Variants in WDR41 observed in about 807,000 individuals in gnomAD.
The protein encoded by WDR41 is WD repeat domain 41, also known as WD repeat-containing protein 41.
A neutral mutation model predicts 69.3 loss-of-function variants in WDR41; 63 were observed. That is an observed-to-expected ratio of 0.91 (90% confidence interval 0.74 to 1.12). The LOEUF is 1.12. Ranked by LOEUF, WDR41 falls within the 50% of genes most tolerant of loss-of-function variation. The pLI, the probability that WDR41 is intolerant of heterozygous loss-of-function variation, is 0.00. For synonymous variants in WDR41, 185 were observed against 192.1 expected, an observed-to-expected ratio of 0.96 and a Z score of 0.31; for missense variants, 543 against 534.5, an observed-to-expected ratio of 1.02 and a Z score of -0.16.
intron 2 of WDR41, among the ~76,000 whole-genome samples, chr5:77,467,140 A>G (rs1036955941): frequency 1.3e-5 from 2 of 151,970 alleles, no homozygotes; most frequent in African/African-American, 4.8e-5. Flanking sequence ...GTAATGAACT[A>G]TAAAATAAAA....
intron 6 of WDR41, among the ~76,000 whole-genome samples, chr5:77,453,166 CTGAAA>C (rs1799691186): frequency 6.6e-6 from 1 of 152,202 alleles, no homozygotes; most frequent in African/African-American, 2.4e-5. Context: ...CCTGCTACCA[CTGAAA>C]TATCAACAAC....
chr5:77,440,657 C>A (rs1177287861), intron 9 of WDR41, among the ~76,000 whole-genome samples, 156 bp downstream of exon 9: 1 of 152,148 alleles, frequency 6.6e-6, no homozygotes, highest in Non-Finnish European at 1.5e-5. Context: ...ATGCTTAACA[C>A]AAATCATCCA....
intron 10 of WDR41, 72 bp from the exon 11 acceptor site, chr5:77,437,496 GA>G: frequency 3.1e-6 from 4 of 1,286,706 alleles, no homozygotes; most frequent in Middle Eastern, 1.8e-4. Context: ...TGCAGTGAAA[GA>G]AATCAGTGGA....
intron 1 of WDR41, among the ~76,000 whole-genome samples, chr5:77,503,190 C>CAAA (rs144057313): frequency 0.054 from 3,999 of 74,296 alleles, 175 homozygotes; most frequent in Admixed American, 0.098. Flanking sequence ...AAATGGAAAG[C>CAAA]AAAAAAAAAA....
upstream of WDR41, among the ~76,000 whole-genome samples, chr5:77,497,183 A>G (rs557623054): frequency 2.0e-5 from 3 of 152,318 alleles, no homozygotes; most frequent in East Asian, 5.8e-4. Flanking sequence ...TCATCACATT[A>G]AATTTGGCAA....
At chr5:77,517,631 C>CATAT (rs34773798) in intron 1 of WDR41, among the ~76,000 whole-genome samples, 2,546 of 141,092 alleles carry the variant, frequency 0.018, 51 homozygotes, top group Middle Eastern at 0.042. Flanking sequence ...ATTTATTGAA[C>CATAT]ATATATATAT....
intron 1 of WDR41, among the ~76,000 whole-genome samples, chr5:77,612,670 A>G (rs915301394): frequency 1.3e-5 from 2 of 152,124 alleles, no homozygotes; most frequent in African/African-American, 4.8e-5. Context: ...ATCTATGACA[A>G]ACCCACAGCC....
At chr5:77,435,078 T>G (rs570524103) in intron 12 of WDR41, among the ~76,000 whole-genome samples, 10 of 152,248 alleles carry the variant, frequency 6.6e-5, no homozygotes, top group African/African-American at 2.4e-4. Context: ...AGGTGCTCCT[T>G]GCCACCACGT....
At chr5:77,513,023 G>T (rs1401440842) in intron 1 of WDR41, among the ~76,000 whole-genome samples, 1 of 152,046 alleles carries the variant, frequency 6.6e-6, no homozygotes, top group Non-Finnish European at 1.5e-5. Flanking sequence ...CTGAAATCTG[G>T]AACCTTAATT....
At chr5:77,495,110 A>G (rs747008510), upstream of WDR41, among the ~76,000 whole-genome samples, 23 of 152,112 alleles carry the variant, frequency 1.5e-4, no homozygotes, top group Non-Finnish European at 3.1e-4. Flanking sequence ...AACACGACAA[A>G]ACTTACGGGA....
At chr5:77,443,937 C>T (rs770692066) in intron 8 of WDR41, among the ~76,000 whole-genome samples, 14 of 134,956 alleles carry the variant, frequency 1.0e-4, no homozygotes, top group Non-Finnish European at 1.2e-4. Context: ...GGCTGGAGTA[C>T]AGTAACACAA....
intron 3 of WDR41, among the ~76,000 whole-genome samples, chr5:77,463,692 TAGAA>T (rs1248496834): frequency 6.6e-6 from 1 of 152,152 alleles, no homozygotes; most frequent in African/African-American, 2.4e-5. Flanking sequence ...ATTAACCACT[TAGAA>T]AGTCAGTCTC....
At chr5:77,609,461 TC>T (rs1744497619) in intron 1 of WDR41, among the ~76,000 whole-genome samples, 1 of 152,054 alleles carries the variant, frequency 6.6e-6, no homozygotes, top group South Asian at 2.1e-4. Context: ...AGACAAAACT[TC>T]CAGAGGAACG....
chr5:77,588,237 A>C (rs921752940), intron 1 of WDR41, among the ~76,000 whole-genome samples: 13 of 151,820 alleles, frequency 8.6e-5, no homozygotes, highest in African/African-American at 2.9e-4. Flanking sequence ...TTGCCTTTTT[A>C]CTCTTTTAAT....
intron 12 of WDR41, among the ~76,000 whole-genome samples, chr5:77,435,951 CCT>C: frequency 1.3e-5 from 2 of 152,296 alleles, no homozygotes; most frequent in South Asian, 4.1e-4. Flanking sequence ...CTTCATGCAT[CCT>C]CTGTTTACTG....
intron 6 of WDR41, 126 bp from the exon 7 acceptor site, chr5:77,451,479 C>A (rs1009237110): frequency 1.3e-6 from 1 of 749,530 alleles, no homozygotes; most frequent in African/African-American, 1.8e-5. Flanking sequence ...ACTAGCTCCA[C>A]ACACACTTCC....
rs185147928 is a variant in WDR41, at chr5:77,565,078, C to T, written c.42+55401G>A. Among the ~76,000 whole-genome samples, 523 of 152,064 alleles carry T rather than the reference C, an allele frequency of 3.4e-3. 3 individuals are homozygous for T. Among genetic ancestry groups the T allele is most frequent in the Non-Finnish European group, 5.7e-3 (388 of 67,950 alleles). ...CTCCCAGCTCAGTACTTCTCATATC[C>T]TAGATGCAGAGCACAATAACCTGAG... On this transcript the variant is annotated intron_variant, in intron 1 of 5. Transcript: ENST00000509971.
intron 1 of WDR41, among the ~76,000 whole-genome samples, chr5:77,563,838 C>G (rs1194064449): frequency 6.6e-6 from 1 of 152,146 alleles, no homozygotes; most frequent in Non-Finnish European, 1.5e-5. Flanking sequence ...TTCCTACTTT[C>G]AGTAGACTGC....
intron 7 of WDR41, 63 bp downstream of exon 7, chr5:77,451,228 C>T: frequency 2.0e-6 from 3 of 1,502,260 alleles, no homozygotes; most frequent in Non-Finnish European, 2.8e-6. Flanking sequence ...TTACTTTAGT[C>T]CTTCCAGCAT....
Sources: gnomAD v4.1 joint callset for allele counts (sites outside exome capture counted in the v4.1 genomes callset) on GRCh38, gnomAD v4.1.1 for gene constraint, MANE v1.5 for transcripts, NCBI Gene and HGNC (gene_info 2026-07-23, HGNC 2026-07-21) for gene names.